RORA: variants seen among roughly 807,000 people sequenced by gnomAD.
The protein encoded by RORA is nuclear receptor ROR-alpha.
RORA carries 7 observed loss-of-function variants against 69.5 expected under a neutral mutation model. The ratio of observed to expected loss-of-function variants is 0.10; its 90% CI spans 0.06 to 0.19. The LOEUF is 0.19. RORA is among the 10% of genes least tolerant of loss of function. The probability of loss-of-function intolerance (pLI) is 1.00; values close to 1 mark genes in which losing one functional copy is unlikely to be tolerated. For missense variants in RORA, 457 were observed against 663.0 expected, an observed-to-expected ratio of 0.69 and a Z score of 3.41; for synonymous variants, 261 against 240.8, an observed-to-expected ratio of 1.08 and a Z score of -0.78.
chr15:60,785,544 G>C (rs1331761174), intron 1 of RORA, among the ~76,000 whole-genome samples: 3 of 152,190 alleles, frequency 2.0e-5, no homozygotes, highest in Non-Finnish European at 4.4e-5. Context: ...GGAAATGTCA[G>C]GTGTTCTGCA....
intron 1 of RORA, among the ~76,000 whole-genome samples, chr15:60,798,583 G>C (rs1405350379): frequency 6.6e-6 from 1 of 151,844 alleles, no homozygotes; most frequent in African/African-American, 2.4e-5. Flanking sequence ...GAAGAACAGA[G>C]AGGACTAAAG....
chr15:60,951,877 ACCATT>A (rs2076168917), intron 1 of RORA, among the ~76,000 whole-genome samples: 1 of 151,104 alleles, frequency 6.6e-6, no homozygotes, highest in Non-Finnish European at 1.5e-5. Context: ...AGGAACTGGT[ACCATT>A]CCTTCTGAAA....
At chr15:60,589,489 G>A (rs1188745316) in intron 2 of RORA, among the ~76,000 whole-genome samples, 2 of 152,162 alleles carry the variant, frequency 1.3e-5, no homozygotes, top group African/African-American at 4.8e-5. Context: ...CTCCGCTGCC[G>A]CGTGACATCT....
In RORA at chr15:60,521,978, T is replaced by A. The variant is rs80087533; in HGVS notation, c.283-7221A>T. Among the ~76,000 whole-genome samples the A allele has an allele frequency of 6.9e-3, 1,057 of 152,288 alleles. 15 individuals carry two copies. Among genetic ancestry groups the A allele is most frequent in the African/African-American group, 0.015 (605 of 41,540 alleles). On this transcript the variant is annotated intron_variant, in intron 3 of 10. Transcript: ENST00000335670. ...CCTAATACTTTTTCTTTAAAAAAAA[T>A]GACTGTATACTATGAATTTTTCACT...
intron 1 of RORA, among the ~76,000 whole-genome samples, chr15:61,215,033 T>G (rs1254693091): frequency 0.17 from 512 of 2,950 alleles, 2 homozygotes; most frequent in Non-Finnish European, 0.45. Flanking sequence ...CCCAGCTAAT[T>G]TTTTTTTTTT....
chr15:61,103,032 T>TA (rs1470092142), intron 1 of RORA, among the ~76,000 whole-genome samples: 15 of 152,236 alleles, frequency 9.9e-5, no homozygotes, highest in Admixed American at 2.6e-4. Context: ...GGCAGGGAGA[T>TA]ATCTGTTTAA....
chr15:61,118,502 C>G (rs2079070254), intron 1 of RORA, among the ~76,000 whole-genome samples: 1 of 152,122 alleles, frequency 6.6e-6, no homozygotes. Flanking sequence ...GATTTTCTCA[C>G]TCTTATTTGT....
intron 1 of RORA, among the ~76,000 whole-genome samples, chr15:60,979,933 A>T (rs1045471401): frequency 6.6e-6 from 1 of 152,208 alleles, no homozygotes; most frequent in Non-Finnish European, 1.5e-5. Context: ...AAGTGGTGAG[A>T]GAAAACATCC....
chr15:61,058,628 A>C (rs1461139995), intron 1 of RORA, among the ~76,000 whole-genome samples: 1 of 152,198 alleles, frequency 6.6e-6, no homozygotes, highest in Non-Finnish European at 1.5e-5. Context: ...CTGATAACTA[A>C]GCCTTTGTGC....
At chr15:61,133,073 C>G (rs147385206) in intron 1 of RORA, among the ~76,000 whole-genome samples, 9 of 151,568 alleles carry the variant, frequency 5.9e-5, no homozygotes, top group African/African-American at 1.5e-4. Context: ...AAAAGTAAAA[C>G]TGTAAATACT....
chr15:60,594,896 G>T (rs1207486743), intron 2 of RORA, among the ~76,000 whole-genome samples: 1 of 152,192 alleles, frequency 6.6e-6, no homozygotes, highest in Non-Finnish European at 1.5e-5. Flanking sequence ...TTTCAGATAT[G>T]AAGTCCTAAC....
rs532667176 is a variant in RORA at position 61,028,331 on chromosome 15, A to G, written c.166+200722T>C. Among the ~76,000 whole-genome samples the G allele has an allele frequency of 3.3e-5, 5 of 152,340 alleles. 1 individual carries two copies. In the South Asian group the frequency reaches 1.0e-3, roughly 32 times the overall value. ...ATGGAGGGCCCTTCCTATCTCCAGC[A>G]CAATAGAGACTATGCCAAGGAAATT... is the stretch of plus-strand genomic sequence containing the variant. On this transcript the variant is annotated intron_variant, in intron 1 of 10. Transcript: ENST00000335670.
At chr15:60,535,846 T>A (rs1275618964) in intron 2 of RORA, among the ~76,000 whole-genome samples, 3 of 152,248 alleles carry the variant, frequency 2.0e-5, no homozygotes, top group Non-Finnish European at 4.4e-5. Flanking sequence ...ACTCCTCCAA[T>A]ACCCTATGCG....
chr15:60,655,986 T>C (rs753622135), intron 2 of RORA, among the ~76,000 whole-genome samples: 5 of 152,224 alleles, frequency 3.3e-5, no homozygotes, highest in Non-Finnish European at 7.3e-5. Context: ...TCACTTTGGA[T>C]TCTTTTTGAT....
chr15:60,904,885 A>G (rs1428872464), intron 1 of RORA, among the ~76,000 whole-genome samples: 1 of 152,128 alleles, frequency 6.6e-6, no homozygotes, highest in Non-Finnish European at 1.5e-5. Flanking sequence ...CCAATGTTGA[A>G]GACATTGATA....
intron 1 of RORA, among the ~76,000 whole-genome samples, chr15:61,119,958 C>T (rs72739546): frequency 0.023 from 3,494 of 152,088 alleles, 66 homozygotes; most frequent in Non-Finnish European, 0.036. Flanking sequence ...ACAGGTGAGG[C>T]GGGGAGGAGT....
chr15:61,095,087 G>C (rs1424984548), intron 1 of RORA, among the ~76,000 whole-genome samples: 1 of 152,194 alleles, frequency 6.6e-6, no homozygotes, highest in Admixed American at 6.5e-5. Flanking sequence ...TTCAGGGCAT[G>C]GATGAACAGA....
At chr15:61,164,606 G>A (rs2079525486) in intron 1 of RORA, among the ~76,000 whole-genome samples, 1 of 152,062 alleles carries the variant, frequency 6.6e-6, no homozygotes, top group Non-Finnish European at 1.5e-5. Flanking sequence ...GGATGAACTT[G>A]CTCCAGCAAA....
intron 1 of RORA, among the ~76,000 whole-genome samples, chr15:60,750,546 G>C (rs2071708973): frequency 6.6e-6 from 1 of 152,184 alleles, no homozygotes; most frequent in African/African-American, 2.4e-5. Context: ...ACCTCAGTGA[G>C]CGTTCTGTCC....
Sources: allele counts gnomAD v4.1 joint callset (sites outside exome capture counted in the v4.1 genomes callset), GRCh38; gene constraint gnomAD v4.1.1; transcripts MANE v1.5; gene names NCBI Gene and HGNC (gene_info 2026-07-23, HGNC 2026-07-21).